AKR1C8: variants seen among roughly 807,000 people sequenced by gnomAD.
AKR1C8 encodes the protein aldo-keto reductase family 1 member C8.
the AKR1C8 span, among the ~76,000 whole-genome samples, chr10:5,172,356 G>A: frequency 5.9e-5 from 9 of 151,778 alleles, no homozygotes; most frequent in Non-Finnish European, 1.0e-4. Context: ...TACCACATAA[G>A]GTTTTTTAAA....
the AKR1C8 span, among the ~76,000 whole-genome samples, chr10:5,117,127 G>T: frequency 1.1e-5 from 1 of 92,718 alleles, no homozygotes; most frequent in East Asian, 2.1e-4. Context: ...CACTGGCAGT[G>T]AGCTTTTTTT....
chr10:5,124,900 G>C, the AKR1C8 span, among the ~76,000 whole-genome samples: 1 of 152,034 alleles, frequency 6.6e-6, no homozygotes, highest in Non-Finnish European at 1.5e-5. Flanking sequence ...CAGCAAGGTA[G>C]AGACAGTTTA....
chr10:5,142,891 G>T, the AKR1C8 span, among the ~76,000 whole-genome samples: 49 of 152,130 alleles, frequency 3.2e-4, no homozygotes, highest in Middle Eastern at 3.4e-3. Context: ...TCAATGCAGG[G>T]TTGCTACAAA....
chr10:5,136,360 G>A, the AKR1C8 span, among the ~76,000 whole-genome samples: 60,293 of 151,896 alleles, frequency 0.4, 12,811 homozygotes, highest in Non-Finnish European at 0.43. Context: ...CCAGCCTGGC[G>A]AATATGACGA....
At chr10:5,160,578 A>T in the AKR1C8 span, among the ~76,000 whole-genome samples, 1 of 152,114 alleles carries the variant, frequency 6.6e-6, no homozygotes, top group African/African-American at 2.4e-5. Context: ...ACCTGATCTC[A>T]AGGCCAAAGG....
At chr10:5,133,434 A>C in the AKR1C8 span, among the ~76,000 whole-genome samples, 1 of 152,134 alleles carries the variant, frequency 6.6e-6, no homozygotes, top group Non-Finnish European at 1.5e-5. Context: ...ACATGGAAGA[A>C]GGCACATGGA....
the AKR1C8 span, among the ~76,000 whole-genome samples, chr10:5,172,432 C>T: frequency 6.6e-6 from 1 of 152,048 alleles, no homozygotes; most frequent in Non-Finnish European, 1.5e-5. Context: ...TCCTTCATGT[C>T]TGTGGACTAG....
the AKR1C8 span, among the ~76,000 whole-genome samples, chr10:5,150,584 TG>T: frequency 2.4e-4 from 37 of 152,212 alleles, no homozygotes; most frequent in African/African-American, 8.7e-4. Flanking sequence ...CCCTAATATT[TG>T]TGAAAGTTAA....
chr10:5,138,575 GCGATGTA>G, the AKR1C8 span, among the ~76,000 whole-genome samples: 1 of 152,088 alleles, frequency 6.6e-6, no homozygotes, highest in Non-Finnish European at 1.5e-5. Context: ...TGGTCTTGAG[GCGATGTA>G]CATCCTCAGC....
At chr10:5,169,712 T>C in the AKR1C8 span, among the ~76,000 whole-genome samples, 1 of 151,994 alleles carries the variant, frequency 6.6e-6, no homozygotes, top group Non-Finnish European at 1.5e-5. Flanking sequence ...TATATAGTCC[T>C]ACCGCAAATA....
chr10:5,168,313 A>G, the AKR1C8 span, among the ~76,000 whole-genome samples: 2 of 152,010 alleles, frequency 1.3e-5, no homozygotes, highest in Non-Finnish European at 2.9e-5. Flanking sequence ...ATGACCCCCC[A>G]GAAAACCCTC....
At chr10:5,157,721 G>T in the AKR1C8 span, 20 of 472,632 alleles carry the variant, frequency 4.2e-5, no homozygotes, top group South Asian at 3.1e-4. Context: ...AGGGCGACCT[G>T]GCCTGGGCTT....
chr10:5,158,845 T>A, the AKR1C8 span: 2 of 380,774 alleles, frequency 5.3e-6, no homozygotes, highest in South Asian at 4.1e-5. Context: ...CTTTTCCCCA[T>A]GCACCTTCTG....
chr10:5,159,502 TG>T, the AKR1C8 span, among the ~76,000 whole-genome samples: 2 of 152,138 alleles, frequency 1.3e-5, no homozygotes, highest in African/African-American at 4.8e-5. Context: ...CCCTCTCCTG[TG>T]GATCTTCCTA....
At chr10:5,162,518 G>A in the AKR1C8 span, among the ~76,000 whole-genome samples, 2 of 152,152 alleles carry the variant, frequency 1.3e-5, no homozygotes, top group Admixed American at 6.5e-5. Context: ...TCACTTTTCT[G>A]ATTAATATGT....
chr10:5,134,988 C>A, the AKR1C8 span, among the ~76,000 whole-genome samples: 8 of 152,168 alleles, frequency 5.3e-5, no homozygotes, highest in African/African-American at 1.9e-4. Flanking sequence ...GATTGACTAC[C>A]TTTTCTCTTT....
the AKR1C8 span, among the ~76,000 whole-genome samples, chr10:5,176,197 G>T: frequency 6.8e-6 from 1 of 147,756 alleles, no homozygotes. Context: ...TCTACATATG[G>T]CTAGCCAGTT....
the AKR1C8 span, among the ~76,000 whole-genome samples, chr10:5,138,326 T>G: frequency 1.7e-4 from 26 of 152,244 alleles, 1 homozygote; most frequent in Admixed American, 3.3e-4. Flanking sequence ...TTAATATTCC[T>G]TGCTAGGAAA....
chr10:5,176,791 G>T, the AKR1C8 span, among the ~76,000 whole-genome samples: 1 of 152,114 alleles, frequency 6.6e-6, no homozygotes, highest in Non-Finnish European at 1.5e-5. Flanking sequence ...TCTGTTATTG[G>T]TGTATAAGAA....
Sources: allele counts gnomAD v4.1 joint callset (sites outside exome capture counted in the v4.1 genomes callset), GRCh38; gene constraint gnomAD v4.1.1; transcripts MANE v1.5; gene names NCBI Gene and HGNC (gene_info 2026-07-23, HGNC 2026-07-21).